The following DHX34 variants were observed in gnomAD, a reference collection of about 807,000 sequenced individuals.
The protein encoded by DHX34 is probable ATP-dependent RNA helicase DHX34.
DHX34 carries 96 observed loss-of-function variants against 111.1 expected under a neutral mutation model. That is an observed-to-expected ratio of 0.86 (90% CI 0.73 to 1.02). DHX34 has a LOEUF of 1.02. DHX34 is among the 50% of genes least tolerant of loss of function. The probability of loss-of-function intolerance (pLI) is 0.00; values close to 1 mark genes in which losing one functional copy is unlikely to be tolerated. For missense variants in DHX34, 1,560 were observed against 1,579.9 expected, an observed-to-expected ratio of 0.99 and a Z score of 0.21; for synonymous variants, 688 against 670.4, an observed-to-expected ratio of 1.03 and a Z score of -0.41.
intron 1 of DHX34, among the ~76,000 whole-genome samples, chr19:47,349,553 G>A (rs1969222007): frequency 6.6e-6 from 1 of 152,174 alleles, no homozygotes; most frequent in Non-Finnish European, 1.5e-5. Flanking sequence ...TGGGCGACAG[G>A]CCAGAGACCG....
At chr19:47,358,387 C>T (rs1224953012) in intron 4 of DHX34, among the ~76,000 whole-genome samples, 1 of 152,084 alleles carries the variant, frequency 6.6e-6, no homozygotes, top group East Asian at 1.9e-4. Context: ...TCTGTCACAG[C>T]TACTCAGCCC....
Position 47,358,043 on chromosome 19 carries a change from C to G in DHX34, c.1195C>G (p.Gln399Glu). 6.2e-7 allele frequency: 1 copy of G among 1,613,086 alleles called. No individual in the cohort carries two copies. The highest frequency in any genetic ancestry group is 8.5e-7 in the Non-Finnish European group (1 of 1,179,968). The change falls in exon 4 of 17, where the codon CAG becomes GAG. Residue 399 changes from glutamine (Q) to glutamate (E), a missense_variant. By Grantham distance (29) the Gln-to-Glu change is conservative. Transcript: ENST00000328771. ...AEISAVLEAA[Q>E]TYASHTQRWV... is the part of the protein sequence containing the mutation. ...GATCAGCGCCGTGCTGGAGGCTGCC[C>G]AGACCTATGCCAGCCACACCCAGCG... is the stretch of plus-strand genomic sequence containing the variant.
chr19:47,350,153 A>G (rs1034330316), intron 1 of DHX34, among the ~76,000 whole-genome samples: 1 of 152,172 alleles, frequency 6.6e-6, no homozygotes, highest in African/African-American at 2.4e-5. Flanking sequence ...AGCTTCTGAT[A>G]TTGGGAGATA....
intron 15 of DHX34, 58 bp from the exon 16 acceptor site, chr19:47,381,128 A>G (rs1970342470): frequency 6.2e-7 from 1 of 1,603,002 alleles, no homozygotes; most frequent in Non-Finnish European, 8.5e-7. Context: ...CCGGGGGGGC[A>G]CTTGGGTGGT....
At chr19:47,351,983 C>T (rs1969301429) in intron 1 of DHX34, among the ~76,000 whole-genome samples, 1 of 152,214 alleles carries the variant, frequency 6.6e-6, no homozygotes, top group African/African-American at 2.4e-5. Flanking sequence ...TGCCTTTTAT[C>T]TCAATGTTCT....
intron 1 of DHX34, among the ~76,000 whole-genome samples, chr19:47,351,311 T>G (rs932158813): frequency 8.0e-5 from 12 of 150,900 alleles, no homozygotes; most frequent in Admixed American, 7.9e-4. Context: ...CCCGAGTCGC[T>G]GGGACTACCC....
At chr19:47,378,415 G>A (rs142959924) in intron 13 of DHX34, among the ~76,000 whole-genome samples, 2 of 152,234 alleles carry the variant, frequency 1.3e-5, no homozygotes, top group Non-Finnish European at 2.9e-5. Context: ...GGTGATGCCA[G>A]GTGCTCATGT....
intron 1 of DHX34, among the ~76,000 whole-genome samples, 169 bp downstream of exon 1, chr19:47,349,521 C>T (rs748420970): frequency 5.3e-5 from 8 of 152,058 alleles, no homozygotes; most frequent in Non-Finnish European, 7.4e-5. Context: ...AGAGATGGCA[C>T]CTGAGCGTCC....
At position 47,353,102 on chromosome 19, in the gene DHX34, C is replaced by T. The variant is rs758115727; in HGVS notation, c.72C>T (p.Ala24=). The part of the protein sequence containing the change: ...DHHRAPSEEE[A]LEKWDWNCPE... ...ACCGGGCTCCCAGCGAGGAAGAGGCCTTGGAGAAATGGGACTGGAATTGTC... is the reference window on the plus strand; with the variant it reads ...ACCGGGCTCCCAGCGAGGAAGAGGCTTTGGAGAAATGGGACTGGAATTGTC... Residue 24 remains alanine (A), a synonymous_variant, in exon 2 of 17, where the codon GCC becomes GCT. Transcript: ENST00000328771. The surrounding 1 kb of genome is among the most constrained non-coding windows in gnomAD (Gnocchi z 4.6). 5.3e-5 allele frequency: 86 copies of T among 1,614,008 alleles called. No individual in the cohort carries two copies. Among genetic ancestry groups the T allele is most frequent in the Non-Finnish European group, 6.9e-5 (82 of 1,180,030 alleles).
At position 47,373,686 on chromosome 19, in the gene DHX34, C is replaced by G. The variant is rs550385280; in HGVS notation, c.2050C>G (p.Arg684Gly). 6.2e-7 allele frequency: 1 copy of G among 1,613,730 alleles called. No homozygotes were observed. The highest frequency in any genetic ancestry group is 1.7e-5 in the Admixed American group (1 of 60,000). ...EHRLYEMANLRRQFKELLEDH... is the reference protein window; with the variant it reads ...EHRLYEMANLGRQFKELLEDH... ...TCGACTGTACGAAATGGCCAACCTT[C>G]GGCGCCAGTTCAAGGTGAGGCTCGG... The change falls in exon 9 of 17, where the codon CGG (arginine) becomes GGG (glycine). Residue 684 changes from arginine (R) to glycine (G), a missense_variant. Physicochemically the swap from Arg to Gly is moderately radical, Grantham distance 125. Transcript: ENST00000328771.
chr19:47,362,380 T>A, intron 5 of DHX34, 96 bp from the exon 6 acceptor site: 3 of 1,369,664 alleles, frequency 2.2e-6, no homozygotes, highest in Non-Finnish European at 2.8e-6. Flanking sequence ...AATAAAGGAG[T>A]AAGTGAGGGT....
At chr19:47,377,263 G>A in intron 13 of DHX34, 57 bp downstream of exon 13, 1 of 1,547,210 alleles carries the variant, frequency 6.5e-7, no homozygotes, top group Non-Finnish European at 8.8e-7. Context: ...CGTTGCCCAG[G>A]GTGGTGGGTG....
At chr19:47,380,767 G>A (rs768341625) in intron 14 of DHX34, 49 bp from the exon 15 acceptor site, 21 of 1,607,852 alleles carry the variant, frequency 1.3e-5, no homozygotes, top group South Asian at 2.2e-5. Context: ...TGCTTTGGCG[G>A]CATCTCCCTG....
At position 47,376,577 on chromosome 19, in the gene DHX34, C is replaced by A. The variant is rs370924510; in HGVS notation, c.2599+17C>A. The A allele has an allele frequency of 6.5e-7, 1 of 1,549,500 alleles. No homozygotes were observed. ...GAAGCCGAGGTACAGTGAGCCCAGG[C>A]GGAAGGAACCCCCATCCGGGATGTG... On this transcript the variant is annotated intron_variant, in intron 12 of 16. Transcript: ENST00000328771.
chr19:47,363,796 C>T (rs533060896), intron 6 of DHX34, among the ~76,000 whole-genome samples: 2 of 128,626 alleles, frequency 1.6e-5, no homozygotes, highest in South Asian at 2.4e-4. Flanking sequence ...CCAGCCTGGG[C>T]GATAGAACAA....
chr19:47,362,411 A>G (rs867020512), intron 5 of DHX34, 65 bp from the exon 6 acceptor site: 41 of 1,434,444 alleles, frequency 2.9e-5, no homozygotes, highest in Middle Eastern at 2.1e-4. Context: ...GACAAGAGCC[A>G]GGCGCGTGGC....
chr19:47,375,455 C>T lies in DHX34; in HGVS notation c.2065-11C>T, dbSNP rs1347700373. On this transcript the variant is annotated splice_polypyrimidine_tract_variant and intron_variant, in intron 9 of 16. Transcript: ENST00000328771. ...GCCCTGAGGCCCTCACCCCTACCCA[C>T]CTGCCCCTAGGAGCTGTTGGAGGAC... The T allele has an allele frequency of 1.9e-6, 3 of 1,578,912 alleles. No homozygotes were observed. The highest frequency in any genetic ancestry group is 2.3e-5 in the East Asian group (1 of 43,764).
rs1171066347 is a variant in DHX34, at chr19:47,376,426, C to T, written c.2482-17C>T. On this transcript the variant is annotated splice_polypyrimidine_tract_variant and intron_variant, in intron 11 of 16. Transcript: ENST00000328771. ...GAGCAGATAGGAGGGCTTGTGCTTT[C>T]TCTCTGTCCTCCGCAGATTTTCCAC... is the stretch of plus-strand genomic sequence containing the variant. The T allele has an allele frequency of 3.1e-6, 5 of 1,607,612 alleles. No homozygotes were observed. Among genetic ancestry groups the T allele is most frequent in the East Asian group, 2.2e-5 (1 of 44,632 alleles).
At chr19:47,380,669 G>A in intron 14 of DHX34, 147 bp from the exon 15 acceptor site, 5 of 1,469,234 alleles carry the variant, frequency 3.4e-6, no homozygotes, top group Non-Finnish European at 4.5e-6. Context: ...GGTCATGTGT[G>A]TCTGCAGCCA....
Sources: allele counts gnomAD v4.1 joint callset (sites outside exome capture counted in the v4.1 genomes callset), GRCh38; gene constraint gnomAD v4.1.1; non-coding constraint Gnocchi (gnomAD v3.1); transcripts MANE v1.5; gene names NCBI Gene and HGNC (gene_info 2026-07-23, HGNC 2026-07-21).